The following FREM2 variants were observed in gnomAD, a reference collection of about 807,000 sequenced individuals.
The protein encoded by FREM2 is FRAS1 related extracellular matrix 2, also known as FRAS1-related extracellular matrix protein 2.
A neutral mutation model predicts 219.9 loss-of-function variants in FREM2; 119 were observed. That is an observed-to-expected ratio of 0.54 (90% CI 0.47 to 0.63). FREM2 has a LOEUF of 0.63. Among genes scored for constraint, FREM2 ranks in the 30% least tolerant of loss-of-function variants. The pLI, the probability that FREM2 is intolerant of heterozygous loss-of-function variation, is 0.00. For synonymous variants in FREM2, 1,562 were observed against 1,522.8 expected (o/e 1.03, Z -0.60); for missense variants, 4,030 against 3,993.6 (o/e 1.01, Z -0.25).
At position 38,881,053 on chromosome 13, in the gene FREM2, C is replaced by G. The variant is rs941669673; in HGVS notation, c.*266C>G. ...GAGCCATGATGTGAGGAATGTACTC[C>G]TCATTTTAGACATATTCTCTATGCA... is the stretch of plus-strand genomic sequence containing the variant. On this transcript the variant is annotated 3_prime_UTR_variant, in exon 24 of 24. Transcript: ENST00000280481. 1 of 527,606 alleles carries G rather than the reference C, an allele frequency of 1.9e-6. No individual in the cohort carries two copies. Among genetic ancestry groups the G allele is most frequent in the Non-Finnish European group, 3.4e-6 (1 of 291,230 alleles). The allele number at this position is 527,606 out of a possible 1,614,324, so 32.7% of individuals were successfully genotyped here. A position where few individuals can be genotyped will look rare whatever the true frequency, so the allele number is the denominator to read the frequency against.
intron 2 of FREM2, among the ~76,000 whole-genome samples, chr13:38,748,081 A>G (rs1010910385): frequency 2.0e-5 from 3 of 152,128 alleles, no homozygotes; most frequent in Non-Finnish European, 4.4e-5. Context: ...CCAAAATCCT[A>G]ACCTTTGTCT....
chr13:38,824,360 C>T (rs1266867460), intron 6 of FREM2, among the ~76,000 whole-genome samples: 2 of 152,102 alleles, frequency 1.3e-5, no homozygotes, highest in African/African-American at 4.8e-5. Context: ...TCTAACCCTT[C>T]TCTGCCCCAA....
intron 4 of FREM2, among the ~76,000 whole-genome samples, chr13:38,779,113 A>G (rs1201811428): frequency 6.6e-6 from 1 of 152,140 alleles, no homozygotes; most frequent in African/African-American, 2.4e-5. Context: ...CATTCTCAGC[A>G]AACTAACACA....
intron 6 of FREM2, among the ~76,000 whole-genome samples, chr13:38,826,480 C>T (rs926361324): frequency 4.6e-5 from 7 of 152,050 alleles, no homozygotes; most frequent in Admixed American, 3.3e-4. Flanking sequence ...AGAAGGATCT[C>T]ACAATAAAGG....
At chr13:38,725,409 A>G (rs1871476204) in intron 2 of FREM2, among the ~76,000 whole-genome samples, 1 of 152,236 alleles carries the variant, frequency 6.6e-6, no homozygotes, top group Non-Finnish European at 1.5e-5. Flanking sequence ...ATAATGAAAA[A>G]ATGAATAAAT....
intron 5 of FREM2, among the ~76,000 whole-genome samples, chr13:38,784,229 T>G (rs563754617): frequency 2.6e-5 from 4 of 152,362 alleles, no homozygotes; most frequent in African/African-American, 9.6e-5. Flanking sequence ...GAGACAAGTA[T>G]TTGAAGCACT....
chr13:38,810,390 A>C (rs1005377902), intron 6 of FREM2, among the ~76,000 whole-genome samples: 4 of 151,998 alleles, frequency 2.6e-5, no homozygotes, highest in Non-Finnish European at 4.4e-5. Context: ...CATCCTTTTC[A>C]TGTGCCAGAT....
intron 2 of FREM2, among the ~76,000 whole-genome samples, chr13:38,760,218 G>A (rs1347890442): frequency 6.6e-6 from 1 of 152,066 alleles, no homozygotes; most frequent in African/African-American, 2.4e-5. Context: ...GTTACTTTGG[G>A]CCATCTCCCT....
chr13:38,743,735 T>G (rs965904491), intron 2 of FREM2, among the ~76,000 whole-genome samples: 1 of 152,176 alleles, frequency 6.6e-6, no homozygotes, highest in Non-Finnish European at 1.5e-5. Context: ...TTTTCTCCAC[T>G]AGCTTAATCC....
At chr13:38,771,120 A>G (rs1873645590) in intron 4 of FREM2, among the ~76,000 whole-genome samples, 1 of 152,254 alleles carries the variant, frequency 6.6e-6, no homozygotes, top group Non-Finnish European at 1.5e-5. Context: ...GAAAGTGAAT[A>G]AGAAAACTGG....
At chr13:38,744,193 G>C (rs1425863047) in intron 2 of FREM2, among the ~76,000 whole-genome samples, 1 of 139,160 alleles carries the variant, frequency 7.2e-6, no homozygotes, top group Non-Finnish European at 1.5e-5. Context: ...CTACAGATTT[G>C]AGGTAAATCC....
Position 38,691,150 on chromosome 13 carries a change from A to C in FREM2, c.3806A>C (p.Asp1269Ala). ...TCCAGCATTATTTATGAGCATGATG[A>C]CTCCGAGACCCAGGAAGACAGTTTT... Reference protein sequence around the residue: ...ESSSIIYEHDDSETQEDSFVI... With the variant: ...ESSSIIYEHDASETQEDSFVI... Residue 1269 changes from aspartate (D) to alanine (A), a missense_variant, in exon 1 of 24, where the codon GAC (aspartate) becomes GCC (alanine). Asp to Ala is a moderately radical substitution (Grantham distance 126). This residue lies in a region of FREM2 where 3,102 missense variants were observed against 2,950.7 expected (regional missense o/e 1.05). Coordinates refer to ENST00000280481, the MANE Select transcript of FREM2 (RefSeq NM_207361.6). 1 of 1,614,046 alleles carries C rather than the reference A, an allele frequency of 6.2e-7. No homozygotes were observed. Among genetic ancestry groups the C allele is most frequent in the Non-Finnish European group, 8.5e-7 (1 of 1,180,012 alleles).
intron 6 of FREM2, among the ~76,000 whole-genome samples, chr13:38,818,038 G>A (rs1875837204): frequency 6.6e-6 from 1 of 152,052 alleles, no homozygotes; most frequent in Non-Finnish European, 1.5e-5. Context: ...AAAGACAAGT[G>A]TTGGTGAGAA....
Position 38,880,855 on chromosome 13 carries a change from C to A in FREM2, c.*68C>A. On this transcript the variant is annotated 3_prime_UTR_variant, in exon 24 of 24. Coordinates refer to ENST00000280481, the MANE Select transcript of FREM2 (RefSeq NM_207361.6). ...AAAGATCACAATGGAACCTTAAATA[C>A]TTCTGGTAAACCATAGAGAATGGAG... The A allele has an allele frequency of 6.4e-7, 1 of 1,553,182 alleles. No homozygotes were observed. The highest frequency in any genetic ancestry group is 1.4e-5 in the African/African-American group (1 of 73,752).
intron 1 of FREM2, among the ~76,000 whole-genome samples, chr13:38,693,209 T>G (rs1869969846): frequency 6.6e-6 from 1 of 152,174 alleles, no homozygotes; most frequent in Admixed American, 6.5e-5. Context: ...AAAGTATACT[T>G]AAAGATGTGT....
chr13:38,840,625 AAT>A (rs66795118), intron 6 of FREM2, among the ~76,000 whole-genome samples: 71,340 of 134,778 alleles, frequency 0.53, 18,569 homozygotes, highest in East Asian at 0.82. Context: ...ATAAAACTAA[AAT>A]ATATATATAT....
Position 38,687,419 on chromosome 13 carries a change from ACCG to A in FREM2, c.81_83del (p.Pro28del). 1 of 1,604,634 alleles carries A rather than the reference ACCG, an allele frequency of 6.2e-7. No homozygotes were observed. ...CCACCAGCTTTCAACCAGGACCGCC[ACCG>A]CCGCCCCGGCTGCTGCTGCTGCTGC... On this transcript the variant is annotated inframe_deletion, in exon 1 of 24. Coordinates refer to ENST00000280481, the MANE Select transcript of FREM2 (RefSeq NM_207361.6).
intron 6 of FREM2, among the ~76,000 whole-genome samples, chr13:38,829,548 A>G (rs1876425709): frequency 6.6e-6 from 1 of 152,106 alleles, no homozygotes; most frequent in African/African-American, 2.4e-5. Flanking sequence ...ATGATACATA[A>G]AATAGCATTT....
chr13:38,834,056 A>G (rs1347208802), intron 6 of FREM2, among the ~76,000 whole-genome samples: 1 of 152,182 alleles, frequency 6.6e-6, no homozygotes, highest in Admixed American at 6.5e-5. Flanking sequence ...TCTGGGATAC[A>G]TGTGCAGAAC....
Sources: gnomAD v4.1 joint callset for allele counts (sites outside exome capture counted in the v4.1 genomes callset) on GRCh38, gnomAD v4.1.1 for gene constraint, gnomAD v4.1.1 regional missense constraint, MANE v1.5 for transcripts, NCBI Gene and HGNC (gene_info 2026-07-23, HGNC 2026-07-21) for gene names.